BRDT: variants seen among roughly 807,000 people sequenced by gnomAD.
The protein encoded by BRDT is bromodomain testis associated.
BRDT carries 77 observed loss-of-function variants against 113.9 expected under a neutral mutation model. The observed-to-expected ratio is 0.68, with a 90% CI of 0.56 to 0.82. BRDT has a LOEUF of 0.82. Ranked by LOEUF, BRDT falls within the 40% of genes least tolerant of loss-of-function variation. BRDT has a pLI of 0.00. For missense variants in BRDT, 1,027 were observed against 1,105.4 expected (o/e 0.93, Z 1.01); for synonymous variants, 358 against 366.5 (o/e 0.98, Z 0.26).
chr1:92,000,610 C>T (rs1305546975), intron 15 of BRDT, among the ~76,000 whole-genome samples: 4 of 152,102 alleles, frequency 2.6e-5, no homozygotes, highest in African/African-American at 9.7e-5. Context: ...ATGTAAGTCC[C>T]TATAATATGT....
At chr1:91,960,746 ATAC>A (rs1263496826) in intron 1 of BRDT, among the ~76,000 whole-genome samples, 2 of 152,218 alleles carry the variant, frequency 1.3e-5, no homozygotes, top group Non-Finnish European at 2.9e-5. Context: ...GTGAGAACTA[ATAC>A]TACTTTAATG....
At chr1:91,962,270 T>G (rs1682562462) in intron 1 of BRDT, among the ~76,000 whole-genome samples, 1 of 110,180 alleles carries the variant, frequency 9.1e-6, no homozygotes, top group Admixed American at 1.2e-4. Flanking sequence ...AATTGATTCC[T>G]TTGCCATTTG....
intron 18 of BRDT, among the ~76,000 whole-genome samples, chr1:92,012,297 A>G (rs59678565): frequency 0.067 from 9,862 of 148,160 alleles, 382 homozygotes; most frequent in African/African-American, 0.095. Flanking sequence ...AACTCCATCT[A>G]GAAAAAAAAA....
At chr1:91,950,056 ATTAAC>A (rs1165930240) in intron 1 of BRDT, 2 of 152,102 alleles carry the variant, frequency 1.3e-5, no homozygotes, top group African/African-American at 4.8e-5. Context: ...TATTTATTCA[ATTAAC>A]TTTATTAAGC....
rs1328586925 is a variant in BRDT at position 91,967,988 on chromosome 1, A to G, written c.331-158A>G. 6.0e-4 allele frequency among the ~76,000 whole-genome samples: 91 copies of G among 152,244 alleles called. 1 individual carries two copies. The highest frequency in any genetic ancestry group is 5.8e-3 in the Admixed American group (89 of 15,276). ...GCTTTCAACCATAGAGAATAAGAAA[A>G]TAAAATGTGAGCAGCTTCACTATTT... On this transcript the variant is annotated intron_variant, in intron 3 of 18. Transcript: ENST00000399546.
At chr1:91,959,111 A>G (rs549357225) in intron 1 of BRDT, among the ~76,000 whole-genome samples, 1 of 152,316 alleles carries the variant, frequency 6.6e-6, no homozygotes, top group African/African-American at 2.4e-5. Flanking sequence ...ATACACATAT[A>G]TATATTTTTG....
intron 1 of BRDT, among the ~76,000 whole-genome samples, chr1:91,960,751 ACTT>A (rs1350197946): frequency 1.2e-4 from 18 of 152,244 alleles, no homozygotes; most frequent in Non-Finnish European, 1.5e-4. Context: ...AACTAATACT[ACTT>A]TAATGCAGAC....
rs368660906 is a variant in BRDT, at chr1:92,012,168, C to T, written c.2776-2038C>T. Among the ~76,000 whole-genome samples the T allele has an allele frequency of 9.7e-4, 147 of 152,002 alleles. 8 individuals are homozygous for T. The South Asian group carries it at 0.029, about 30-fold the overall frequency. On this transcript the variant is annotated intron_variant, in intron 18 of 18. Coordinates refer to ENST00000399546, the MANE Select transcript of BRDT (RefSeq NM_207189.4). ...TACAAAAATTAGCCAGCCATGGTGG[C>T]GCACCTGTAATCCCAGCTACTTAGG... is the stretch of plus-strand genomic sequence containing the variant.
intron 4 of BRDT, among the ~76,000 whole-genome samples, chr1:91,974,884 A>G (rs1488677128): frequency 6.6e-6 from 1 of 152,218 alleles, no homozygotes; most frequent in Non-Finnish European, 1.5e-5. Flanking sequence ...AACCAACCCA[A>G]ATGTCCAACA....
intron 12 of BRDT, among the ~76,000 whole-genome samples, chr1:91,990,509 A>G (rs1685655703): frequency 6.6e-6 from 1 of 152,218 alleles, no homozygotes; most frequent in Admixed American, 6.5e-5. Flanking sequence ...TGATTTTAGC[A>G]TAATGGATGC....
At chr1:92,001,476 A>G (rs1478422738) in intron 15 of BRDT, among the ~76,000 whole-genome samples, 1 of 152,144 alleles carries the variant, frequency 6.6e-6, no homozygotes, top group Non-Finnish European at 1.5e-5. Context: ...CGGGCAGATC[A>G]CTGAAGGTCA....
intron 7 of BRDT, among the ~76,000 whole-genome samples, chr1:91,979,023 C>CA (rs1475279354): frequency 1.5e-4 from 20 of 137,362 alleles, no homozygotes; most frequent in South Asian, 2.3e-4. Flanking sequence ...ACAACAACAA[C>CA]AACAAAAAAA....
At chr1:91,985,290 G>A (rs1219259153) in intron 12 of BRDT, among the ~76,000 whole-genome samples, 3 of 151,902 alleles carry the variant, frequency 2.0e-5, no homozygotes, top group African/African-American at 7.3e-5. Context: ...TCGATCTCCT[G>A]ACCTGGTGAT....
chr1:91,982,295 A>C (rs1350399231), intron 12 of BRDT, among the ~76,000 whole-genome samples: 2 of 152,164 alleles, frequency 1.3e-5, no homozygotes. Context: ...CTATAGAAAA[A>C]TGTACTTTAA....
At chr1:91,981,860 G>GA in intron 12 of BRDT, 105 bp downstream of exon 12, 1 of 1,349,336 alleles carries the variant, frequency 7.4e-7, no homozygotes, top group East Asian at 2.6e-5. Context: ...AGAATCCATG[G>GA]TTTGTATATC....
At chr1:92,003,216 T>C (rs567703755) in intron 16 of BRDT, among the ~76,000 whole-genome samples, 137 of 152,336 alleles carry the variant, frequency 9.0e-4, no homozygotes, top group African/African-American at 3.1e-3. Flanking sequence ...ACTCCTTTTA[T>C]TACTTCAGGA....
At chr1:91,991,991 C>CAAAAAAAAAAAAAAAAAAAAAAAAAA (rs764759925) in intron 13 of BRDT, among the ~76,000 whole-genome samples, 1 of 67,740 alleles carries the variant, frequency 1.5e-5, no homozygotes, top group Non-Finnish European at 2.6e-5. Context: ...GACTCTGTCT[C>CAAAAAAAAAAAAAAAAAAAAAAAAAA]AAAAAAAAAA....
At chr1:91,992,411 GCAAAA>G in intron 14 of BRDT, 97 bp downstream of exon 14, 2 of 193,546 alleles carry the variant, frequency 1.0e-5, no homozygotes, top group Non-Finnish European at 1.6e-5. Context: ...ATGAAGAGAG[GCAAAA>G]AAAAAAAAAA....
rs1685722294 is a variant in BRDT, at chr1:91,991,229, C to G, written c.2048C>G (p.Ser683Cys). The change falls in exon 13 of 19, where the codon TCT becomes TGT. Residue 683 changes from serine to cysteine, a missense_variant. Transcript: ENST00000399546. ...GAAGTAAAACCAAATGATTCTCCTTCTAAAGAGAATGTAAAGGTAAGTGAA... is the reference window on the plus strand; with the variant it reads ...GAAGTAAAACCAAATGATTCTCCTTGTAAAGAGAATGTAAAGGTAAGTGAA... ...FTEVKPNDSP[S>C]KENVKKMKNE... The G allele has an allele frequency of 6.5e-7, 1 of 1,547,966 alleles. No individual in the cohort carries two copies. The highest frequency in any genetic ancestry group is 8.8e-7 in the Non-Finnish European group (1 of 1,131,374).
Sources: allele counts gnomAD v4.1 joint callset (sites outside exome capture counted in the v4.1 genomes callset), GRCh38; gene constraint gnomAD v4.1.1; transcripts MANE v1.5; gene names NCBI Gene and HGNC (gene_info 2026-07-23, HGNC 2026-07-21).